The following ZMAT4 variants were observed in gnomAD, a reference collection of about 807,000 sequenced individuals.
ZMAT4 encodes the protein zinc finger matrin-type 4, also known as zinc finger matrin-type protein 4.
Under a neutral mutation model 28.7 loss-of-function variants are expected in ZMAT4, and 17 were observed. That is an observed-to-expected ratio of 0.59 (90% CI 0.41 to 0.89). The LOEUF (loss-of-function observed/expected upper bound fraction) is 0.89, where lower values mean the gene tolerates loss of function less well. Ranked by LOEUF, ZMAT4 falls within the 40% of genes least tolerant of loss-of-function variation. The pLI, the probability that ZMAT4 is intolerant of heterozygous loss-of-function variation, is 0.00. For synonymous variants in ZMAT4, 117 were observed against 109.2 expected (o/e 1.07, Z -0.44); for missense variants, 240 against 283.8 (o/e 0.85, Z 1.11).
intron 5 of ZMAT4, among the ~76,000 whole-genome samples, chr8:40,584,809 T>A (rs1022782004): frequency 2.6e-5 from 4 of 152,108 alleles, no homozygotes; most frequent in Non-Finnish European, 5.9e-5. Context: ...AATTTTTATA[T>A]TTTTAGTAGA....
intron 3 of ZMAT4, among the ~76,000 whole-genome samples, chr8:40,730,417 G>A (rs1475830534): frequency 6.6e-6 from 1 of 152,102 alleles, no homozygotes; most frequent in African/African-American, 2.4e-5. Context: ...ATGTCTGTTG[G>A]GATTCCAACA....
chr8:40,790,280 C>T (rs1305594434), intron 2 of ZMAT4, among the ~76,000 whole-genome samples: 1 of 152,132 alleles, frequency 6.6e-6, no homozygotes, highest in Non-Finnish European at 1.5e-5. Context: ...ATTTTAAAAG[C>T]TTCTAGATCT....
At chr8:40,795,560 C>T (rs1040246312) in intron 2 of ZMAT4, among the ~76,000 whole-genome samples, 1 of 152,170 alleles carries the variant, frequency 6.6e-6, no homozygotes, top group African/African-American at 2.4e-5. Context: ...CTGGGGGCTC[C>T]TTTTATGTTT....
At chr8:40,598,249 A>C (rs1805169850) in intron 5 of ZMAT4, among the ~76,000 whole-genome samples, 1 of 152,192 alleles carries the variant, frequency 6.6e-6, no homozygotes. Context: ...CAGAATGTGC[A>C]GGTTTGTTAC....
chr8:40,866,710 T>C (rs1817686875), intron 1 of ZMAT4, among the ~76,000 whole-genome samples: 1 of 152,184 alleles, frequency 6.6e-6, no homozygotes, highest in Non-Finnish European at 1.5e-5. Context: ...TTTGCTTCTC[T>C]CTGGTGTGTA....
At chr8:40,824,540 C>T (rs2150610865) in intron 2 of ZMAT4, among the ~76,000 whole-genome samples, 1 of 151,636 alleles carries the variant, frequency 6.6e-6, no homozygotes, top group Non-Finnish European at 1.5e-5. Flanking sequence ...AGAACATGCC[C>T]TAGTAGCTCT....
intron 5 of ZMAT4, among the ~76,000 whole-genome samples, chr8:40,612,827 T>A (rs1805848029): frequency 1.1e-5 from 1 of 89,598 alleles, no homozygotes. Flanking sequence ...TTTTTTTTTT[T>A]TTGAGACGAA....
At chr8:40,566,671 C>T (rs1372954625) in intron 6 of ZMAT4, among the ~76,000 whole-genome samples, 1 of 152,240 alleles carries the variant, frequency 6.6e-6, no homozygotes, top group African/African-American at 2.4e-5. Flanking sequence ...CTCCCCCCTA[C>T]TCAGTTGCCT....
intron 1 of ZMAT4, among the ~76,000 whole-genome samples, chr8:40,889,290 C>G (rs948484268): frequency 1.3e-5 from 2 of 152,244 alleles, no homozygotes; most frequent in African/African-American, 4.8e-5. Flanking sequence ...GCAGGCGGCA[C>G]TTGCCGCATT....
At chr8:40,700,130 GT>G (rs1355226972) in intron 3 of ZMAT4, among the ~76,000 whole-genome samples, 4 of 152,098 alleles carry the variant, frequency 2.6e-5, no homozygotes, top group Non-Finnish European at 5.9e-5. Context: ...TCCATGCCCT[GT>G]TATCAAGGAG....
At chr8:40,747,925 A>G (rs1812305237) in intron 3 of ZMAT4, among the ~76,000 whole-genome samples, 1 of 152,248 alleles carries the variant, frequency 6.6e-6, no homozygotes, top group South Asian at 2.1e-4. Flanking sequence ...CCAATGAAAC[A>G]AGATTTTTTT....
chr8:40,636,237 C>T (rs1015725128), intron 5 of ZMAT4, among the ~76,000 whole-genome samples: 5 of 152,224 alleles, frequency 3.3e-5, no homozygotes, highest in Admixed American at 2.6e-4. Context: ...GTGTGCAGCC[C>T]TTTTCATCTT....
chr8:40,698,865 G>A (rs1810006493), intron 3 of ZMAT4, among the ~76,000 whole-genome samples: 1 of 152,072 alleles, frequency 6.6e-6, no homozygotes, highest in Non-Finnish European at 1.5e-5. Flanking sequence ...TTGTCAGTGA[G>A]TGGAAGGGAC....
intron 5 of ZMAT4, among the ~76,000 whole-genome samples, chr8:40,630,431 C>T (rs2599641): frequency 1.3e-5 from 2 of 152,162 alleles, no homozygotes; most frequent in African/African-American, 4.8e-5. Flanking sequence ...TCATAAATGA[C>T]GAAACTGAGG....
intron 6 of ZMAT4, among the ~76,000 whole-genome samples, chr8:40,535,227 A>T (rs924021197): frequency 5.9e-5 from 9 of 152,210 alleles, no homozygotes; most frequent in Non-Finnish European, 1.2e-4. Context: ...TGAGAATCAC[A>T]TCTGTAGGAA....
At chr8:40,860,548 C>T (rs1458513388) in intron 1 of ZMAT4, among the ~76,000 whole-genome samples, 1 of 152,210 alleles carries the variant, frequency 6.6e-6, no homozygotes, top group African/African-American at 2.4e-5. Flanking sequence ...TGAAGAGCCA[C>T]AGGGTGAGAA....
chr8:40,723,232 A>G (rs893756424), intron 3 of ZMAT4, among the ~76,000 whole-genome samples: 1 of 152,268 alleles, frequency 6.6e-6, no homozygotes, highest in East Asian at 1.9e-4. Flanking sequence ...ATACCTTCTA[A>G]TAGAAATCAT....
At chr8:40,660,157 C>T (rs16889823) in intron 5 of ZMAT4, among the ~76,000 whole-genome samples, 9,325 of 152,066 alleles carry the variant, frequency 0.061, 722 homozygotes, top group East Asian at 0.44. Flanking sequence ...GTTTATTATT[C>T]GGGTCTAGGA....
intron 5 of ZMAT4, among the ~76,000 whole-genome samples, chr8:40,627,010 G>A (rs1306541685): frequency 6.6e-6 from 1 of 152,020 alleles, no homozygotes; most frequent in Non-Finnish European, 1.5e-5. Context: ...GCCCTTTATG[G>A]GTCTCCCTGA....
Sources: allele counts gnomAD v4.1 joint callset (sites outside exome capture counted in the v4.1 genomes callset), GRCh38; gene constraint gnomAD v4.1.1; transcripts MANE v1.5; gene names NCBI Gene and HGNC (gene_info 2026-07-23, HGNC 2026-07-21).